Variants in THAP10 observed in about 807,000 individuals in gnomAD.
The protein encoded by THAP10 is THAP domain-containing protein 10.
A neutral mutation model predicts 15.7 loss-of-function variants in THAP10; 10 were observed. That is an observed-to-expected ratio of 0.64 (90% CI 0.39 to 1.08). The LOEUF is 1.08. THAP10 is among the 50% of genes least tolerant of loss of function. THAP10 has a pLI of 0.01. For missense variants in THAP10, 310 were observed against 330.9 expected, an observed-to-expected ratio of 0.94 and a Z score of 0.49; for synonymous variants, 127 against 129.1, an observed-to-expected ratio of 0.98 and a Z score of 0.11.
chr15:70,891,849 A>T lies in THAP10; in HGVS notation c.424T>A (p.Ser142Thr), dbSNP rs377653311. Residue 142 changes from serine (S) to threonine (T), a missense_variant, in exon 1 of 3, where the codon TCA becomes ACA. Ser to Thr is a moderately conservative substitution (Grantham distance 58). Coordinates refer to ENST00000249861, the MANE Select transcript of THAP10 (RefSeq NM_020147.4). ...CTTCGGTGGTCTCTCTTTACCTGTG[A>T]AGCTGCAGCCTGCTTCCCAGCTCGG... ...RPRAGKQAAA[S>T]QITCENELVQ... is the part of the protein sequence containing the mutation. 2 of 1,589,220 alleles carry T rather than the reference A, an allele frequency of 1.3e-6. No homozygotes were observed. Among genetic ancestry groups the T allele is most frequent in the African/African-American group, 2.7e-5 (2 of 74,444 alleles).
intron 1 of THAP10, among the ~76,000 whole-genome samples, chr15:70,883,525 TA>T (rs1353567360): frequency 1.3e-4 from 20 of 152,192 alleles, no homozygotes. Flanking sequence ...ACTTATTTGA[TA>T]TCTTAGCAGT....
chr15:70,889,054 T>C (rs2033483097), intron 1 of THAP10, among the ~76,000 whole-genome samples: 2 of 152,114 alleles, frequency 1.3e-5, no homozygotes, highest in Admixed American at 1.3e-4. Context: ...TCTACTGAAG[T>C]TTAATGTAAT....
chr15:70,885,578 A>C (rs1409839559), intron 1 of THAP10, among the ~76,000 whole-genome samples: 1 of 152,200 alleles, frequency 6.6e-6, no homozygotes, highest in East Asian at 1.9e-4. Context: ...AGAAGGATGG[A>C]AACAGATGTA....
At chr15:70,883,531 A>G (rs2033323120) in intron 1 of THAP10, among the ~76,000 whole-genome samples, 1 of 152,144 alleles carries the variant, frequency 6.6e-6, no homozygotes, top group South Asian at 2.1e-4. Context: ...TTGATATCTT[A>G]GCAGTCATAT....
At position 70,891,567 on chromosome 15, in the gene THAP10, CTGTGTGTGTGTGTGTGTGTGTG is replaced by C. The variant is rs3220843; in HGVS notation, c.429+255_429+276del. Among the ~76,000 whole-genome samples, 465 of 137,132 alleles carry C rather than the reference CTGTGTGTGTGTGTGTGTGTGTG, an allele frequency of 3.4e-3. 2 individuals are homozygous for C. Among genetic ancestry groups the C allele is most frequent in the African/African-American group, 9.3e-3 (346 of 37,018 alleles). 90.0% of individuals were successfully genotyped at this position (137,132 alleles called of 152,430 possible). A position where few individuals can be genotyped will look rare whatever the true frequency, so the allele number is the denominator to read the frequency against. On this transcript the variant is annotated intron_variant, in intron 1 of 2. Transcript: ENST00000249861. ...ACTCACTACTCTGCAGGACAAGACTCTGTGTGTGTGTGTGTGTGTGTGTGTGTGTGTGTGTGTGTGTGTGTGT... is the reference window on the plus strand; with the variant it reads ...ACTCACTACTCTGCAGGACAAGACTCTGTGTGTGTGTGTGTGTGTGTGTGT...
At position 70,892,204 on chromosome 15, in the gene THAP10, A is replaced by G. The variant is rs771849095; in HGVS notation, c.69T>C (p.Phe23=). Residue 23 remains phenylalanine (F), a synonymous_variant, in exon 1 of 3, where the codon TTT becomes TTC. Transcript: ENST00000249861. ...GCAGCCGCACGGCCCGGTCCTTGGG[A>G]AAGCGGAACAGCGACTTCCCAGACT... ...TTKSGKSLFR[F]PKDRAVRLLW... The G allele has an allele frequency of 1.2e-4, 196 of 1,604,260 alleles. No individual in the cohort carries two copies. Among genetic ancestry groups the G allele is most frequent in the Non-Finnish European group, 1.6e-4 (184 of 1,175,342 alleles).
intron 1 of THAP10, among the ~76,000 whole-genome samples, chr15:70,886,741 C>T (rs746427864): frequency 1.3e-5 from 2 of 152,002 alleles, no homozygotes; most frequent in Non-Finnish European, 2.9e-5. Flanking sequence ...TGGCAGGCAC[C>T]TGTAATCCCA....
chr15:70,891,434 T>A lies in THAP10; in HGVS notation c.429+410A>T, dbSNP rs141894725. On this transcript the variant is annotated intron_variant, in intron 1 of 2. Coordinates refer to ENST00000249861, the MANE Select transcript of THAP10 (RefSeq NM_020147.4). Reference sequence around the variant, plus strand: ...TTGTGACACAAATAAGGGACTTTCCTCAAGCTTATGTAATGTTATGCAACA... The same window carrying A: ...TTGTGACACAAATAAGGGACTTTCCACAAGCTTATGTAATGTTATGCAACA... Among the ~76,000 whole-genome samples the A allele has an allele frequency of 6.7e-3, 1,025 of 152,270 alleles. 9 individuals are homozygous for A. The highest frequency in any genetic ancestry group is 0.017 in the Middle Eastern group (5 of 294).
chr15:70,882,964 C>T, intron 1 of THAP10, 56 bp from the exon 2 acceptor site: 1 of 1,573,184 alleles, frequency 6.4e-7, no homozygotes, highest in South Asian at 1.2e-5. Flanking sequence ...AGGATTTTAT[C>T]TTTCAAAAGT....
chr15:70,882,740 C>T lies in THAP10; in HGVS notation c.577+21G>A, dbSNP rs200649526. ...GAAAGATCAATTCAATTGCTTAATC[C>T]ATTGAAGAGTCAAAACATACCCACA... On this transcript the variant is annotated intron_variant, in intron 2 of 2. Transcript: ENST00000249861. 4.5e-4 allele frequency: 727 copies of T among 1,613,546 alleles called. 9 individuals carry two copies. The South Asian group carries it at 7.2e-3, about 16-fold the overall frequency.
In THAP10 at chr15:70,891,952, G is replaced by T; in HGVS notation, c.321C>A (p.Gly107=). 1 of 1,613,622 alleles carries T rather than the reference G, an allele frequency of 6.2e-7. No homozygotes were observed. Among genetic ancestry groups the T allele is most frequent in the Non-Finnish European group, 8.5e-7 (1 of 1,179,846 alleles). ...GGAGCTCTCCTCGCGTGTCCAGGCG[G>T]CCTGCTTGGTCTCCCTCCTCTCCCC... The part of the protein sequence containing the change: ...PKRGEEGDQA[G]RLDTRGELQA... The change falls in exon 1 of 3, where the codon GGC becomes GGA. Residue 107 remains glycine (G), a synonymous_variant. Transcript: ENST00000249861.
At chr15:70,884,287 C>G (rs1217772963) in intron 1 of THAP10, among the ~76,000 whole-genome samples, 1 of 152,076 alleles carries the variant, frequency 6.6e-6, no homozygotes, top group Non-Finnish European at 1.5e-5. Context: ...CCTCCCAGCA[C>G]TTCGGGAGGC....
chr15:70,885,630 T>G (rs528956615), intron 1 of THAP10, among the ~76,000 whole-genome samples: 119 of 152,326 alleles, frequency 7.8e-4, no homozygotes, highest in African/African-American at 2.7e-3. Context: ...GTTGCTATAT[T>G]AGCACTACAT....
At chr15:70,890,871 G>A (rs1330544177) in intron 1 of THAP10, among the ~76,000 whole-genome samples, 1 of 152,172 alleles carries the variant, frequency 6.6e-6, no homozygotes, top group East Asian at 1.9e-4. Flanking sequence ...CAGGGACAGT[G>A]GCCTTGGTTA....
chr15:70,892,391 G>T lies in THAP10; in HGVS notation c.-119C>A. The T allele has an allele frequency of 1.9e-6, 3 of 1,544,028 alleles. No individual in the cohort carries two copies. Among genetic ancestry groups the T allele is most frequent in the Non-Finnish European group, 2.6e-6 (3 of 1,146,646 alleles). ...TCCTCACCTGTCCACTCCGGGTCGG[G>T]ATTGTTTCCTTCCCTACCTCTGGTC... On this transcript the variant is annotated 5_prime_UTR_variant, in exon 1 of 3. Transcript: ENST00000249861.
In THAP10 at chr15:70,882,071, A is replaced by G. The variant is rs1406187213; in HGVS notation, c.*383T>C. On this transcript the variant is annotated 3_prime_UTR_variant, in exon 3 of 3. Coordinates refer to ENST00000249861, the MANE Select transcript of THAP10 (RefSeq NM_020147.4). ...TGTTACTGCTCTATACTTTCAAATT[A>G]TTTAGAAGAGTAGGGATATTCTAAC... 5.9e-6 allele frequency: 1 copy of G among 170,128 alleles called. No individual in the cohort carries two copies. The highest frequency in any genetic ancestry group is 2.4e-5 in the African/African-American group (1 of 41,714). 10.5% of individuals were successfully genotyped at this position (170,128 alleles called of 1,614,324 possible).
rs865926708 is a variant in THAP10, at chr15:70,881,749, A to G, written c.*705T>C. 2 of 152,232 alleles carry G rather than the reference A, an allele frequency of 1.3e-5. No individual in the cohort carries two copies. Among genetic ancestry groups the G allele is most frequent in the Non-Finnish European group, 2.9e-5 (2 of 68,038 alleles). 9.4% of individuals were successfully genotyped at this position (152,232 alleles called of 1,614,324 possible). A position where few individuals can be genotyped will look rare whatever the true frequency, so the allele number is the denominator to read the frequency against. ...TAGTACTTTTATTTTTCATGATGTT[A>G]ATGATTCTAATCTAAATTAATCAAG... On this transcript the variant is annotated 3_prime_UTR_variant, in exon 3 of 3. Transcript: ENST00000249861.
In THAP10 at chr15:70,891,860, T is replaced by C; in HGVS notation, c.413A>G (p.Gln138Arg). 6.3e-7 allele frequency: 1 copy of C among 1,599,860 alleles called. No individual in the cohort carries two copies. Among genetic ancestry groups the C allele is most frequent in the South Asian group, 1.1e-5 (1 of 89,290 alleles). The change falls in exon 1 of 3, where the codon CAG becomes CGG. Residue 138 changes from glutamine (Q) to arginine (R), a missense_variant. Gln to Arg is a conservative substitution (Grantham distance 43). Coordinates refer to ENST00000249861, the MANE Select transcript of THAP10 (RefSeq NM_020147.4). ...VSCTRPRAGK[Q>R]AAASQITCEN... Reference sequence around the variant, plus strand: ...TCTCTTTACCTGTGAAGCTGCAGCCTGCTTCCCAGCTCGGGGGCGTGTACA... The same window carrying C: ...TCTCTTTACCTGTGAAGCTGCAGCCCGCTTCCCAGCTCGGGGGCGTGTACA...
chr15:70,886,774 G>C (rs1286180026), intron 1 of THAP10, among the ~76,000 whole-genome samples: 1 of 152,070 alleles, frequency 6.6e-6, no homozygotes. Flanking sequence ...GCTGAGACAG[G>C]AGAATCGCTT....
Sources: allele counts gnomAD v4.1 joint callset (sites outside exome capture counted in the v4.1 genomes callset), GRCh38; gene constraint gnomAD v4.1.1; transcripts MANE v1.5; gene names NCBI Gene and HGNC (gene_info 2026-07-23, HGNC 2026-07-21).